The following RBFOX1 variants were observed in gnomAD, a reference collection of about 807,000 sequenced individuals.
RBFOX1 encodes the protein RNA binding fox-1 homolog 1.
RBFOX1 carries 8 observed loss-of-function variants against 57.7 expected under a neutral mutation model. The ratio of observed to expected loss-of-function variants is 0.14; its 90% CI spans 0.08 to 0.25. The LOEUF is 0.25. Among genes scored for constraint, RBFOX1 ranks in the 10% least tolerant of loss-of-function variants. RBFOX1 has a pLI of 1.00. For synonymous variants in RBFOX1, 326 were observed against 222.4 expected, an observed-to-expected ratio of 1.47 and a Z score of -4.15; for missense variants, 611 against 548.5, an observed-to-expected ratio of 1.11 and a Z score of -1.14.
chr16:6,709,423 A>T (rs983677647), intron 3 of RBFOX1, among the ~76,000 whole-genome samples: 3 of 152,204 alleles, frequency 2.0e-5, no homozygotes, highest in Non-Finnish European at 4.4e-5. Context: ...GGGTTTAAAA[A>T]AATACTGAGA....
intron 1 of RBFOX1, among the ~76,000 whole-genome samples, chr16:5,375,997 T>A (rs1375172983): frequency 1.3e-5 from 2 of 151,798 alleles, no homozygotes; most frequent in African/African-American, 4.8e-5. Context: ...CAAAACCCCA[T>A]CTCTACTAAA....
intron 1 of RBFOX1, among the ~76,000 whole-genome samples, chr16:5,454,892 T>A (rs1439195050): frequency 1.5e-5 from 2 of 130,456 alleles, no homozygotes; most frequent in East Asian, 4.7e-4. Context: ...CTTTCTTTCT[T>A]TCTTTCTTTC....
intron 3 of RBFOX1, among the ~76,000 whole-genome samples, chr16:6,951,813 A>G (rs943224987): frequency 1.3e-5 from 2 of 152,088 alleles, no homozygotes; most frequent in Non-Finnish European, 1.5e-5. Context: ...GGCTCACTGC[A>G]ACCTCCGCCT....
intron 10 of RBFOX1, among the ~76,000 whole-genome samples, chr16:7,616,180 CAGTT>C (rs1434334085): frequency 1.7e-4 from 26 of 152,320 alleles, no homozygotes; most frequent in African/African-American, 6.3e-4. Flanking sequence ...GTTACACTCA[CAGTT>C]AGTTTATTAT....
At chr16:7,183,598 C>A (rs926759607) in intron 4 of RBFOX1, among the ~76,000 whole-genome samples, 3 of 152,056 alleles carry the variant, frequency 2.0e-5, no homozygotes, top group Non-Finnish European at 4.4e-5. Context: ...TTTTTCCAGG[C>A]TTTCAGAAGC....
intron 2 of RBFOX1, among the ~76,000 whole-genome samples, chr16:6,463,593 T>C (rs911313677): frequency 1.3e-5 from 2 of 152,132 alleles, no homozygotes; most frequent in African/African-American, 2.4e-5. Flanking sequence ...GTATTGACTT[T>C]CAGACAGGAA....
chr16:7,069,327 T>A (rs1180423794), intron 4 of RBFOX1, among the ~76,000 whole-genome samples: 1 of 152,182 alleles, frequency 6.6e-6, no homozygotes, highest in Non-Finnish European at 1.5e-5. Flanking sequence ...GTGCATTAGC[T>A]GTTTTCCCTA....
At chr16:5,366,725 A>T (rs1411608270) in intron 1 of RBFOX1, 1 of 358,464 alleles carries the variant, frequency 2.8e-6, no homozygotes, top group Non-Finnish European at 5.3e-6. Context: ...AAAATTTTCC[A>T]TCTTATTTCA....
chr16:6,556,991 AC>A (rs2097106787), intron 2 of RBFOX1, among the ~76,000 whole-genome samples: 1 of 119,700 alleles, frequency 8.4e-6, no homozygotes, highest in African/African-American at 2.8e-5. Flanking sequence ...ACGTATATAT[AC>A]ATACATATAT....
At chr16:7,382,942 G>C (rs566831028) in intron 4 of RBFOX1, among the ~76,000 whole-genome samples, 10 of 152,250 alleles carry the variant, frequency 6.6e-5, no homozygotes, top group African/African-American at 2.2e-4. Flanking sequence ...TCCCTGTAAA[G>C]GGTTCCACAT....
chr16:6,230,462 A>C (rs1451266782), intron 1 of RBFOX1, among the ~76,000 whole-genome samples: 1 of 152,166 alleles, frequency 6.6e-6, no homozygotes, highest in Non-Finnish European at 1.5e-5. Flanking sequence ...CCGCGTTCTA[A>C]AACTTTTGCT....
chr16:7,443,432 C>T (rs1203632762), intron 4 of RBFOX1, among the ~76,000 whole-genome samples: 1 of 151,676 alleles, frequency 6.6e-6, no homozygotes, highest in Non-Finnish European at 1.5e-5. Context: ...CTCCCCCTCC[C>T]CTCTTTCTTT....
At chr16:7,099,425 A>T (rs186991136) in intron 4 of RBFOX1, among the ~76,000 whole-genome samples, 139 of 152,322 alleles carry the variant, frequency 9.1e-4, no homozygotes, top group Middle Eastern at 6.8e-3. Context: ...AATGGGATGA[A>T]ATAATAGAAC....
chr16:5,707,187 A>G (rs538893146), intron 3 of RBFOX1, among the ~76,000 whole-genome samples: 1 of 152,312 alleles, frequency 6.6e-6, no homozygotes, highest in African/African-American at 2.4e-5. Context: ...GCCCATGAGT[A>G]GGACTCACAC....
intron 4 of RBFOX1, chr16:7,304,166 G>A (rs997303862): frequency 1.0e-6 from 1 of 974,200 alleles, no homozygotes; most frequent in African/African-American, 1.8e-5. Context: ...GGCGGGGTGC[G>A]GTGGGGGGAG....
At chr16:6,461,929 G>A (rs1039800762) in intron 2 of RBFOX1, among the ~76,000 whole-genome samples, 2 of 152,158 alleles carry the variant, frequency 1.3e-5, no homozygotes, top group African/African-American at 2.4e-5. Context: ...TTTTGGTGGG[G>A]CAAGCTTTGA....
intron 3 of RBFOX1, among the ~76,000 whole-genome samples, chr16:6,885,880 T>G (rs151153658): frequency 0.012 from 1,772 of 152,266 alleles, 26 homozygotes; most frequent in Middle Eastern, 0.051. Context: ...GGATACTGTT[T>G]ACTCAATGCA....
At chr16:7,283,336 T>A (rs1479257846) in intron 4 of RBFOX1, among the ~76,000 whole-genome samples, 1 of 151,882 alleles carries the variant, frequency 6.6e-6, no homozygotes, top group Admixed American at 6.5e-5. Flanking sequence ...TATACTCCAA[T>A]CCAGCATTCC....
intron 4 of RBFOX1, among the ~76,000 whole-genome samples, chr16:7,078,238 A>T (rs1290708430): frequency 6.6e-6 from 1 of 152,194 alleles, no homozygotes; most frequent in Non-Finnish European, 1.5e-5. Flanking sequence ...CACTATACAG[A>T]GTTTTTTGGT....
Sources: allele counts gnomAD v4.1 joint callset (sites outside exome capture counted in the v4.1 genomes callset), GRCh38; gene constraint gnomAD v4.1.1; transcripts MANE v1.5; gene names NCBI Gene and HGNC (gene_info 2026-07-23, HGNC 2026-07-21).